CTNNA3: variants seen among roughly 807,000 people sequenced by gnomAD.
CTNNA3 encodes catenin alpha 3.
A neutral mutation model predicts 95.7 loss-of-function variants in CTNNA3; 76 were observed. The ratio of observed to expected loss-of-function variants is 0.79; its 90% confidence interval spans 0.66 to 0.96. The LOEUF (loss-of-function observed/expected upper bound fraction) is 0.96. Among genes scored for constraint, CTNNA3 ranks in the 40% least tolerant of loss-of-function variants. The pLI is 0.00. For missense variants in CTNNA3, 1,191 were observed against 1,089.8 expected, an observed-to-expected ratio of 1.09 and a Z score of -1.31; for synonymous variants, 431 against 374.4, an observed-to-expected ratio of 1.15 and a Z score of -1.74.
intron 17 of CTNNA3, among the ~76,000 whole-genome samples, chr10:65,963,016 T>A (rs1203871976): frequency 1.3e-5 from 2 of 152,200 alleles, no homozygotes; most frequent in Non-Finnish European, 2.9e-5. Context: ...GCAATAAACA[T>A]CTTAGACTAA....
intron 13 of CTNNA3, among the ~76,000 whole-genome samples, chr10:66,238,136 C>G (rs749285316): frequency 6.6e-6 from 1 of 151,968 alleles, no homozygotes; most frequent in South Asian, 2.1e-4. Context: ...CAGGTTCACC[C>G]TATAGTTTTT....
chr10:66,055,385 T>C (rs541804557), intron 15 of CTNNA3, among the ~76,000 whole-genome samples: 3 of 152,324 alleles, frequency 2.0e-5, no homozygotes, highest in Admixed American at 6.5e-5. Context: ...TGTGTCCCCT[T>C]CAATTTCTTT....
At chr10:65,942,109 T>A (rs1443832076) in intron 17 of CTNNA3, among the ~76,000 whole-genome samples, 2 of 152,252 alleles carry the variant, frequency 1.3e-5, no homozygotes, top group African/African-American at 4.8e-5. Context: ...AACTCTATAC[T>A]TATCTGTTCA....
chr10:67,055,085 A>C (rs1172042886), intron 7 of CTNNA3: 1 of 152,192 alleles, frequency 6.6e-6, no homozygotes. Flanking sequence ...GTGAAAATGA[A>C]AGATGACATA....
At chr10:66,055,704 A>G (rs2080067923) in intron 15 of CTNNA3, among the ~76,000 whole-genome samples, 1 of 152,054 alleles carries the variant, frequency 6.6e-6, no homozygotes, top group Non-Finnish European at 1.5e-5. Flanking sequence ...CAGGCAGATC[A>G]TGAGGTCAGG....
intron 7 of CTNNA3, among the ~76,000 whole-genome samples, chr10:66,992,288 AT>A (rs746908488): frequency 6.6e-6 from 1 of 152,004 alleles, no homozygotes; most frequent in Non-Finnish European, 1.5e-5. Flanking sequence ...ATCTTTTTAC[AT>A]GTTTATTTGT....
chr10:66,173,121 T>C (rs181576138), intron 13 of CTNNA3, among the ~76,000 whole-genome samples: 65 of 152,300 alleles, frequency 4.3e-4, no homozygotes, highest in African/African-American at 1.6e-3. Flanking sequence ...TCTTTTCATG[T>C]ACATCCTAAT....
chr10:66,387,117 G>A (rs1159271126), intron 11 of CTNNA3, among the ~76,000 whole-genome samples: 1 of 152,118 alleles, frequency 6.6e-6, no homozygotes, highest in Non-Finnish European at 1.5e-5. Flanking sequence ...AAACTGAAGA[G>A]CTTCTGCACA....
At chr10:66,613,005 C>T (rs1046100018) in intron 10 of CTNNA3, among the ~76,000 whole-genome samples, 14 of 151,996 alleles carry the variant, frequency 9.2e-5, no homozygotes, top group African/African-American at 2.7e-4. Flanking sequence ...TATTTTCCTC[C>T]GTGACTAGAA....
chr10:66,802,079 A>C lies in CTNNA3; in HGVS notation c.1048-26555T>G, dbSNP rs192103766. 4.0e-4 allele frequency among the ~76,000 whole-genome samples: 61 copies of C among 151,896 alleles called. 1 individual carries two copies. The highest frequency in any genetic ancestry group is 1.4e-3 in the African/African-American group (60 of 41,528). ...AACCTCAGTCCCTTTTTAATACCAC[A>C]AACAAAAATTAGTTTAAAACTGTCC... On this transcript the variant is annotated intron_variant, in intron 7 of 17. Coordinates refer to ENST00000433211, the MANE Select transcript of CTNNA3 (RefSeq NM_013266.4).
At chr10:67,162,733 G>A (rs1861603911) in intron 7 of CTNNA3, among the ~76,000 whole-genome samples, 1 of 151,592 alleles carries the variant, frequency 6.6e-6, no homozygotes, top group Admixed American at 6.6e-5. Flanking sequence ...AAACTATCAA[G>A]ATAAAATGTT....
intron 7 of CTNNA3, among the ~76,000 whole-genome samples, chr10:66,942,176 G>A (rs1037375445): frequency 6.6e-6 from 1 of 152,076 alleles, no homozygotes; most frequent in Admixed American, 6.5e-5. Flanking sequence ...TTCTCCTGTC[G>A]TTTGCTAGAT....
At chr10:66,863,932 C>A (rs1395297693) in intron 7 of CTNNA3, among the ~76,000 whole-genome samples, 1 of 152,092 alleles carries the variant, frequency 6.6e-6, no homozygotes, top group Admixed American at 6.6e-5. Flanking sequence ...AGAATTCAGT[C>A]ATATGTAGAA....
intron 11 of CTNNA3, among the ~76,000 whole-genome samples, chr10:66,516,112 G>T (rs1393161144): frequency 1.4e-5 from 2 of 146,872 alleles, no homozygotes; most frequent in Non-Finnish European, 3.0e-5. Context: ...TTTTATTTTG[G>T]ACCTACAGCA....
intron 7 of CTNNA3, among the ~76,000 whole-genome samples, chr10:66,893,207 T>C (rs1845341828): frequency 1.3e-5 from 2 of 152,056 alleles, no homozygotes; most frequent in African/African-American, 4.8e-5. Flanking sequence ...AAGCTCTCTA[T>C]AGGGAGATCT....
intron 11 of CTNNA3, among the ~76,000 whole-genome samples, chr10:66,507,821 G>C (rs1202219404): frequency 6.6e-6 from 1 of 152,038 alleles, no homozygotes; most frequent in Non-Finnish European, 1.5e-5. Flanking sequence ...TGGCAGTACA[G>C]ATATCTCTTT....
At chr10:66,754,498 GA>G (rs1191672768) in intron 9 of CTNNA3, among the ~76,000 whole-genome samples, 2 of 151,772 alleles carry the variant, frequency 1.3e-5, no homozygotes, top group Admixed American at 6.6e-5. Flanking sequence ...AATGACAAAA[GA>G]AAAAAATAGA....
intron 7 of CTNNA3, among the ~76,000 whole-genome samples, chr10:67,068,809 C>T (rs1439596732): frequency 6.6e-6 from 1 of 152,182 alleles, no homozygotes; most frequent in African/African-American, 2.4e-5. Flanking sequence ...CCTGTAATCC[C>T]AGCACTTTGG....
intron 13 of CTNNA3, among the ~76,000 whole-genome samples, chr10:66,106,068 G>A (rs368006799): frequency 1.3e-4 from 20 of 151,982 alleles, no homozygotes; most frequent in East Asian, 3.9e-4. Flanking sequence ...TTAGCTGGGC[G>A]TGGTGGCACA....
Sources: gnomAD v4.1 joint callset for allele counts (sites outside exome capture counted in the v4.1 genomes callset) on GRCh38, gnomAD v4.1.1 for gene constraint, MANE v1.5 for transcripts, NCBI Gene and HGNC (gene_info 2026-07-23, HGNC 2026-07-21) for gene names.